The following CEP295 variants were observed in gnomAD, a reference collection of about 807,000 sequenced individuals.
CEP295 encodes centrosomal protein of 295 kDa.
In CEP295, 190 loss-of-function variants were observed where a neutral mutation model predicts 291.6. The ratio of observed to expected loss-of-function variants is 0.65; its 90% CI spans 0.58 to 0.73. The LOEUF is 0.73. Ranked by LOEUF, CEP295 falls within the 30% of genes least tolerant of loss-of-function variation. The pLI is 0.00. For missense variants in CEP295, 2,863 were observed against 2,949.4 expected, an observed-to-expected ratio of 0.97 and a Z score of 0.68; for synonymous variants, 993 against 1,038.8, an observed-to-expected ratio of 0.96 and a Z score of 0.85.
At chr11:93,693,543 G>A (rs548037441) in intron 12 of CEP295, among the ~76,000 whole-genome samples, 56 of 152,224 alleles carry the variant, frequency 3.7e-4, no homozygotes, top group Non-Finnish European at 6.6e-4. Context: ...ATCACCTGAG[G>A]TCAGGAGTTT....
intron 22 of CEP295, among the ~76,000 whole-genome samples, chr11:93,725,242 A>C (rs1954056972): frequency 6.6e-6 from 1 of 151,302 alleles, no homozygotes; most frequent in Non-Finnish European, 1.5e-5. Flanking sequence ...GTGAGACCCC[A>C]TCTCAAAAAA....
intron 19 of CEP295, 117 bp from the exon 20 acceptor site, chr11:93,721,837 A>G: frequency 2.7e-6 from 2 of 753,288 alleles, no homozygotes; most frequent in South Asian, 1.5e-5. Flanking sequence ...CTTTGTAACT[A>G]TGATGGTTTC....
Position 93,697,641 on chromosome 11 carries a change from T to G in CEP295, c.2729T>G (p.Ile910Ser). The G allele has an allele frequency of 1.3e-6, 2 of 1,551,852 alleles. No individual in the cohort carries two copies. The highest frequency in any genetic ancestry group is 8.7e-7 in the Non-Finnish European group (1 of 1,147,016). ...TCTGCCAAAGCAGATTTGGGGAGAA[T>G]CCAGGAATCTTCACCAACCAAGAAT... is the stretch of plus-strand genomic sequence containing the variant. ...LPSAKADLGRIQESSPTKNNI... is the reference protein window; with the variant it reads ...LPSAKADLGRSQESSPTKNNI... Residue 910 changes from isoleucine (I) to serine (S), a missense_variant, in exon 15 of 30, where the codon ATC becomes AGC. Physicochemically the swap from Ile to Ser is moderately radical, Grantham distance 142. Around this residue, in one of 3 missense-constraint regions of CEP295, gnomAD observed 2,295 missense variants for 2,335.7 expected, o/e 0.98. Coordinates refer to ENST00000325212, the MANE Select transcript of CEP295 (RefSeq NM_033395.2).
intron 18 of CEP295, among the ~76,000 whole-genome samples, chr11:93,716,652 G>C (rs12295009): frequency 1.3e-5 from 2 of 152,210 alleles, no homozygotes; most frequent in East Asian, 1.9e-4. Context: ...TTCACAAAAG[G>C]GGGTGGGCTA....
Position 93,724,283 on chromosome 11 carries a change from C to T in CEP295, c.6226C>T (p.His2076Tyr). 1 of 1,550,644 alleles carries T rather than the reference C, an allele frequency of 6.4e-7. No individual in the cohort carries two copies. The highest frequency in any genetic ancestry group is 1.7e-4 in the Middle Eastern group (1 of 5,990). ...GGAACACATTTTTCCTAATTTGCAT[C>T]ATCAGCTGTTTAAACCCTTAGAACC... is the stretch of plus-strand genomic sequence containing the variant. ...ELEHIFPNLHHQLFKPLEPHP... is the reference protein window; with the variant it reads ...ELEHIFPNLHYQLFKPLEPHP... The change falls in exon 22 of 30, where the codon CAT becomes TAT. Residue 2076 changes from histidine to tyrosine, a missense_variant. Physicochemically the swap from His to Tyr is moderately conservative, Grantham distance 83. Around this residue, in one of 3 missense-constraint regions of CEP295, gnomAD observed 2,295 missense variants for 2,335.7 expected, o/e 0.98. Transcript: ENST00000325212.
At chr11:93,691,575 C>T in intron 10 of CEP295, 108 bp from the exon 11 acceptor site, 2 of 671,872 alleles carry the variant, frequency 3.0e-6, no homozygotes, top group South Asian at 1.9e-5. Flanking sequence ...CTAGATGAGA[C>T]ATTCAGATGG....
At chr11:93,729,073 T>C (rs746293468) in intron 25 of CEP295, 23 of 505,750 alleles carry the variant, frequency 4.5e-5, no homozygotes, top group Admixed American at 1.1e-4. Context: ...CCTAGTGTTA[T>C]AGTGCCAAGT....
intron 6 of CEP295, among the ~76,000 whole-genome samples, chr11:93,676,036 A>G (rs761183322): frequency 6.6e-6 from 1 of 152,080 alleles, no homozygotes; most frequent in Non-Finnish European, 1.5e-5. Context: ...AATTCATTAT[A>G]ACCTTTATTT....
intron 18 of CEP295, among the ~76,000 whole-genome samples, chr11:93,711,373 A>G (rs1273358260): frequency 6.6e-6 from 1 of 152,170 alleles, no homozygotes; most frequent in Non-Finnish European, 1.5e-5. Flanking sequence ...GTCATTCAGG[A>G]GCATACTGTT....
intron 6 of CEP295, among the ~76,000 whole-genome samples, chr11:93,678,503 G>A (rs1356832759): frequency 6.6e-6 from 1 of 152,168 alleles, no homozygotes; most frequent in Non-Finnish European, 1.5e-5. Flanking sequence ...GAAGTTAACA[G>A]CTTTTTTGGT....
intron 18 of CEP295, among the ~76,000 whole-genome samples, chr11:93,715,408 A>G (rs963624185): frequency 1.3e-5 from 2 of 152,028 alleles, no homozygotes; most frequent in Non-Finnish European, 2.9e-5. Flanking sequence ...GACCCAGGGT[A>G]GGTTCAGAGA....
intron 7 of CEP295, among the ~76,000 whole-genome samples, chr11:93,681,673 C>A (rs920099598): frequency 6.6e-6 from 1 of 151,846 alleles, no homozygotes; most frequent in African/African-American, 2.4e-5. Context: ...CTCAGCCTCC[C>A]AAATTGCTGG....
At chr11:93,705,688 A>AT (rs965490641) in intron 17 of CEP295, among the ~76,000 whole-genome samples, 11 of 151,458 alleles carry the variant, frequency 7.3e-5, no homozygotes, top group Admixed American at 2.6e-4. Context: ...TAGTTCTTTC[A>AT]TTTTTTTGTT....
At chr11:93,710,891 T>C (rs554750449) in intron 18 of CEP295, among the ~76,000 whole-genome samples, 68 of 152,342 alleles carry the variant, frequency 4.5e-4, no homozygotes, top group African/African-American at 1.6e-3. Flanking sequence ...TTTCCAATTT[T>C]GGCCTATAGT....
intron 15 of CEP295, among the ~76,000 whole-genome samples, chr11:93,702,194 G>T (rs1216315039): frequency 6.6e-6 from 1 of 151,694 alleles, no homozygotes; most frequent in African/African-American, 2.4e-5. Context: ...CCTGACTTCA[G>T]GTGTCCTGCC....
At chr11:93,674,682 G>GT (rs200488212) in intron 5 of CEP295, among the ~76,000 whole-genome samples, 3,011 of 152,346 alleles carry the variant, frequency 0.02, 297 homozygotes, top group Admixed American at 0.17. Flanking sequence ...ACTTTGCTAA[G>GT]TTTTCACTAC....
chr11:93,687,879 A>C lies in CEP295; in HGVS notation c.1336+14A>C. 1.3e-6 allele frequency: 2 copies of C among 1,526,016 alleles called. No homozygotes were observed. The highest frequency in any genetic ancestry group is 1.8e-6 in the Non-Finnish European group (2 of 1,131,520). 94.5% of individuals were successfully genotyped at this position (1,526,016 alleles called of 1,614,324 possible). On this transcript the variant is annotated intron_variant, in intron 10 of 29. Transcript: ENST00000325212. ...GGCAGGAACAAGGTATTTCTCTCCAAGAGTCTCATTTTCTATAAACCCTTT... is the reference window on the plus strand; with the variant it reads ...GGCAGGAACAAGGTATTTCTCTCCACGAGTCTCATTTTCTATAAACCCTTT...
chr11:93,729,418 A>T lies in CEP295; in HGVS notation c.7303-16A>T, dbSNP rs1938044730. 1 of 1,520,680 alleles carries T rather than the reference A, an allele frequency of 6.6e-7. No individual in the cohort carries two copies. 94.2% of individuals were successfully genotyped at this position (1,520,680 alleles called of 1,614,324 possible). A position where few individuals can be genotyped will look rare whatever the true frequency, so the allele number is the denominator to read the frequency against. ...GCGTTTAAAAAGAGTAAAACATGCA[A>T]CTTTCTTGCCATTAGGTGAGTGAGT... On this transcript the variant is annotated splice_polypyrimidine_tract_variant and intron_variant, in intron 25 of 29. Coordinates refer to ENST00000325212, the MANE Select transcript of CEP295 (RefSeq NM_033395.2).
At chr11:93,718,577 G>A (rs538933235) in intron 18 of CEP295, among the ~76,000 whole-genome samples, 2 of 152,228 alleles carry the variant, frequency 1.3e-5, no homozygotes, top group Admixed American at 6.5e-5. Flanking sequence ...CCACGCAAAT[G>A]CTGCCTTATT....
Sources: allele counts gnomAD v4.1 joint callset (sites outside exome capture counted in the v4.1 genomes callset), GRCh38; gene constraint gnomAD v4.1.1; regional missense constraint gnomAD v4.1.1; transcripts MANE v1.5; gene names NCBI Gene and HGNC (gene_info 2026-07-23, HGNC 2026-07-21).